The following KCNV2 variants were observed in gnomAD, a reference collection of about 807,000 sequenced individuals.
KCNV2 encodes the protein potassium voltage-gated channel modifier subfamily V member 2.
Under a neutral mutation model 37.0 loss-of-function variants are expected in KCNV2, and 65 were observed. The observed-to-expected ratio is 1.76, with a 90% CI of 1.44 to 2.16. KCNV2 has a LOEUF of 2.16. Among genes scored for constraint, KCNV2 ranks in the 30% most tolerant of loss-of-function variants. The pLI is 0.00. For missense variants in KCNV2, 1,232 were observed against 766.7 expected, an observed-to-expected ratio of 1.61 and a Z score of -7.17; for synonymous variants, 518 against 328.6, an observed-to-expected ratio of 1.58 and a Z score of -6.23.
rs1586686718 is a variant in KCNV2 at position 2,718,047 on chromosome 9, T to C, written c.308T>C (p.Val103Ala). The C allele has an allele frequency of 1.9e-6, 3 of 1,609,954 alleles. No homozygotes were observed. The East Asian group carries it at 6.7e-5, about 36-fold the overall frequency. Reference protein sequence around the residue: ...PALLSTLNVNVGGHSYQLDYC... With the variant: ...PALLSTLNVNAGGHSYQLDYC... ...CTGCTGTCCACGCTGAATGTGAACG[T>C]GGGTGGCCACAGCTACCAGCTGGAC... The change falls in exon 1 of 2, where the codon GTG becomes GCG. Residue 103 changes from valine (V) to alanine (A), a missense_variant. Physicochemically the swap from Val to Ala is moderately conservative, Grantham distance 64. Coordinates refer to ENST00000382082, the MANE Select transcript of KCNV2 (RefSeq NM_133497.4).
At position 2,718,290 on chromosome 9, in the gene KCNV2, A is replaced by G. The variant is rs1023410136; in HGVS notation, c.551A>G (p.Glu184Gly). The change falls in exon 1 of 2, where the codon GAG becomes GGG. Residue 184 changes from glutamate (E) to glycine (G), a missense_variant. Transcript: ENST00000382082. Reference sequence around the variant, plus strand: ...CTGTGTCCGCGCCGCTTCCTGGAGGAGCTGGGCTACTGGGGCGTGCGGCTC... The same window carrying G: ...CTGTGTCCGCGCCGCTTCCTGGAGGGGCTGGGCTACTGGGGCGTGCGGCTC... Reference protein sequence around the residue: ...DGLCPRRFLEELGYWGVRLKY... With the variant: ...DGLCPRRFLEGLGYWGVRLKY... 1.2e-6 allele frequency: 2 copies of G among 1,610,980 alleles called. No individual in the cohort carries two copies. Among genetic ancestry groups the G allele is most frequent in the African/African-American group, 2.7e-5 (2 of 74,870 alleles).
chr9:2,719,082 G>T lies in KCNV2; in HGVS notation c.1343G>T (p.Trp448Leu), dbSNP rs748841744. Residue 448 changes from tryptophan to leucine, a missense_variant, in exon 1 of 2, where the codon TGG becomes TTG. By Grantham distance (61) the Trp-to-Leu change is moderately conservative (BLOSUM62 -2). Transcript: ENST00000382082. ...AACTTCACTACCATCCCCCACTCCT[G>T]GTGGTGGGCCGCGGTGAGTACCTTT... is the stretch of plus-strand genomic sequence containing the variant. ...STNFTTIPHS[W>L]WWAAVSISTV... is the part of the protein sequence containing the mutation. 2.8e-5 allele frequency: 45 copies of T among 1,610,600 alleles called. 2 individuals are homozygous for T. The South Asian group carries it at 4.8e-4, about 17-fold the overall frequency.
In KCNV2 at chr9:2,717,841, T is replaced by C. The variant is rs2130860045; in HGVS notation, c.102T>C (p.Gly34=). The change falls in exon 1 of 2, where the codon GGT becomes GGC. Residue 34 remains glycine, a synonymous_variant. Transcript: ENST00000382082. ...ACCGCAGGAGCATTTGCTCCCTGGG[T>C]GCCCGTTCCGGCTCCCAGGCCAGCA... ...SQHRRSICSL[G]ARSGSQASIH... 6.2e-7 allele frequency: 1 copy of C among 1,614,126 alleles called. No homozygotes were observed. Among genetic ancestry groups the C allele is most frequent in the African/African-American group, 1.3e-5 (1 of 75,032 alleles).
At chr9:2,719,548 A>G (rs1819824232) in intron 1 of KCNV2, among the ~76,000 whole-genome samples, 1 of 152,074 alleles carries the variant, frequency 6.6e-6, no homozygotes. Flanking sequence ...GAAGGAGGTG[A>G]GACTTGGCTG....
intron 1 of KCNV2, among the ~76,000 whole-genome samples, chr9:2,722,475 G>GAAGTTATTTATAAATAAC (rs1819895207): frequency 7.7e-6 from 1 of 129,054 alleles, no homozygotes; most frequent in East Asian, 2.2e-4. Context: ...TTATAAATAA[G>GAAGTTATTTATAAATAAC]TTATTTATAA....
chr9:2,725,520 G>C (rs1285538886), intron 1 of KCNV2, among the ~76,000 whole-genome samples: 34 of 152,202 alleles, frequency 2.2e-4, no homozygotes, highest in Non-Finnish European at 2.9e-5. Flanking sequence ...TGCTGCTACT[G>C]AATCTACTGT....
At chr9:2,719,236 A>G (rs1193082793) in intron 1 of KCNV2, 141 bp downstream of exon 1, 1 of 881,954 alleles carries the variant, frequency 1.1e-6, no homozygotes, top group East Asian at 2.7e-5. Context: ...TACAGCTAAC[A>G]AAACGGCGAT....
chr9:2,718,795 C>G lies in KCNV2; in HGVS notation c.1056C>G (p.Leu352=), dbSNP rs1256382058. 6.8e-6 allele frequency: 11 copies of G among 1,610,746 alleles called. No individual in the cohort carries two copies. The highest frequency in any genetic ancestry group is 6.7e-5 in the African/African-American group (5 of 75,062). The change falls in exon 1 of 2, where the codon CTC becomes CTG. Residue 352 remains leucine (L), a synonymous_variant. Coordinates refer to ENST00000382082, the MANE Select transcript of KCNV2 (RefSeq NM_133497.4). The part of the protein sequence containing the change: ...AILPLYLQLL[L]ECFTGEGHQR... ...TGCCGCTCTACCTTCAGCTGCTGCT[C>G]GAGTGCTTCACGGGCGAGGGCCACC... is the stretch of plus-strand genomic sequence containing the variant.
rs1413463889 is a variant in KCNV2 at position 2,718,623 on chromosome 9, G to T, written c.884G>T (p.Gly295Val). ...CAGCACTCGGGGCAGGGCGAGGGCG[G>T]CCCAGACCTGCGGCCCATCCTGGAG... ...MQQHSGQGEG[G>V]PDLRPILEHV... Residue 295 changes from glycine (G) to valine (V), a missense_variant, in exon 1 of 2, where the codon GGC becomes GTC. Transcript: ENST00000382082. 3.7e-6 allele frequency: 6 copies of T among 1,613,018 alleles called. 1 individual carries two copies. In the South Asian group the frequency reaches 4.4e-5, roughly 12 times the overall value.
intron 1 of KCNV2, among the ~76,000 whole-genome samples, chr9:2,724,962 G>A (rs1038070246): frequency 6.6e-6 from 1 of 152,178 alleles, no homozygotes; most frequent in Admixed American, 6.5e-5. Context: ...AGCTATAGAC[G>A]GGGTAAAGGC....
chr9:2,717,676 T>G lies in KCNV2; in HGVS notation c.-64T>G, dbSNP rs11793555. On this transcript the variant is annotated 5_prime_UTR_variant, in exon 1 of 2. Transcript: ENST00000382082. ...ACGTGATCCATCCTCCTAGAGGCAG[T>G]GAGCAGGTGAGGGACCCCTACCACA... The G allele has an allele frequency of 0.21, 339,335 of 1,604,192 alleles. 38,762 individuals are homozygous for G. The highest frequency in any genetic ancestry group is 0.37 in the South Asian group (33,050 of 90,430).
At chr9:2,729,195 A>T (rs1820020493) in intron 1 of KCNV2, among the ~76,000 whole-genome samples, 1 of 152,158 alleles carries the variant, frequency 6.6e-6, no homozygotes, top group Admixed American at 6.5e-5. Context: ...CATATCTTAC[A>T]TTCAAACATG....
chr9:2,725,048 T>C (rs1819946837), intron 1 of KCNV2, among the ~76,000 whole-genome samples: 1 of 152,244 alleles, frequency 6.6e-6, no homozygotes, highest in South Asian at 2.1e-4. Context: ...CTTTAAAGTA[T>C]GTTCCTCATT....
Position 2,729,779 on chromosome 9 carries a change from GCT to G in KCNV2, c.*55_*56del, listed in dbSNP as rs764622224. The G allele has an allele frequency of 2.5e-6, 4 of 1,569,792 alleles. No individual in the cohort carries two copies. In the South Asian group the frequency reaches 4.4e-5, roughly 17 times the overall value. On this transcript the variant is annotated 3_prime_UTR_variant, in exon 2 of 2. Coordinates refer to ENST00000382082, the MANE Select transcript of KCNV2 (RefSeq NM_133497.4). ...ATTCCATGAACTTCAAGGCTTCATT[GCT>G]CTTTTTTTAATCATTATGATTGGCA...
rs1820027450 is a variant in KCNV2, at chr9:2,729,502, G to GT, written c.1419dup (p.Ala474CysfsTer25). On this transcript the variant is annotated frameshift_variant, in exon 2 of 2. Coordinates refer to ENST00000382082, the MANE Select transcript of KCNV2 (RefSeq NM_133497.4). LOFTEE classifies it high-confidence loss of function. ...TGTACCCAGAGACCCACCTGGGCAG[G>GT]TTTTTTGCCTTCCTCTGCATTGCTT... 1 of 1,613,962 alleles carries GT rather than the reference G, an allele frequency of 6.2e-7. No individual in the cohort carries two copies.
In KCNV2 at chr9:2,718,900, C is replaced by T; in HGVS notation, c.1161C>T (p.Ile387=). 4 of 1,609,130 alleles carry T rather than the reference C, an allele frequency of 2.5e-6. No individual in the cohort carries two copies. Among genetic ancestry groups the T allele is most frequent in the South Asian group, 2.2e-5 (2 of 91,082 alleles). ...TGCGCCTCATGCGCATCTTCCGCAT[C>T]CTCAAGCTGGCGCGCCACTCCACCG... The part of the protein sequence containing the change: ...RVMRLMRIFR[I]LKLARHSTGL... Residue 387 remains isoleucine, a synonymous_variant, in exon 1 of 2, where the codon ATC becomes ATT. Transcript: ENST00000382082.
intron 1 of KCNV2, among the ~76,000 whole-genome samples, chr9:2,725,839 A>C (rs1188512023): frequency 6.6e-6 from 1 of 152,234 alleles, no homozygotes; most frequent in African/African-American, 2.4e-5. Flanking sequence ...TGAGAAATCC[A>C]AGTATTCTCA....
chr9:2,718,594 G>T lies in KCNV2; in HGVS notation c.855G>T (p.Met285Ile), dbSNP rs768649666. The T allele has an allele frequency of 6.2e-7, 1 of 1,613,014 alleles. No homozygotes were observed. The highest frequency in any genetic ancestry group is 8.5e-7 in the Non-Finnish European group (1 of 1,179,796). The change falls in exon 1 of 2, where the codon ATG (methionine) becomes ATT (isoleucine). Residue 285 changes from methionine to isoleucine, a missense_variant. Transcript: ENST00000382082. Reference sequence around the variant, plus strand: ...TGGCGCTCAACACCGTGGAGGAGATGCAGCAGCACTCGGGGCAGGGCGAGG... The same window carrying T: ...TGGCGCTCAACACCGTGGAGGAGATTCAGCAGCACTCGGGGCAGGGCGAGG... The part of the protein sequence containing the change: ...VALALNTVEE[M>I]QQHSGQGEGG...
At chr9:2,719,943 A>G (rs1819835344) in intron 1 of KCNV2, among the ~76,000 whole-genome samples, 1 of 152,242 alleles carries the variant, frequency 6.6e-6, no homozygotes, top group Admixed American at 6.5e-5. Context: ...TTACTCAAAT[A>G]TCTGTATTTT....
Sources: gnomAD v4.1 joint callset for allele counts (sites outside exome capture counted in the v4.1 genomes callset) on GRCh38, gnomAD v4.1.1 for gene constraint, MANE v1.5 for transcripts, NCBI Gene and HGNC (gene_info 2026-07-23, HGNC 2026-07-21) for gene names.